FCHSD1: variants seen among roughly 807,000 people sequenced by gnomAD.
FCHSD1 encodes FCH and double SH3 domains 1.
Under a neutral mutation model 101.3 loss-of-function variants are expected in FCHSD1, and 109 were observed. The ratio of observed to expected loss-of-function variants is 1.08; its 90% confidence interval spans 0.92 to 1.26. The LOEUF (loss-of-function observed/expected upper bound fraction) is 1.26. Among genes scored for constraint, FCHSD1 ranks in the 50% most tolerant of loss-of-function variants. FCHSD1 has a pLI of 0.00. For synonymous variants in FCHSD1, 291 were observed against 356.8 expected, an observed-to-expected ratio of 0.82 and a Z score of 2.08; for missense variants, 820 against 895.8, an observed-to-expected ratio of 0.92 and a Z score of 1.08.
rs536273607 is a variant in FCHSD1 at position 141,644,578 on chromosome 5, G to A, written c.1637C>T (p.Pro546Leu). ...CCAAAATTTCCCTTTCTTACCTGTG[G>A]GCTCTGCCCCGCAGGGATTGTCACT... The part of the protein sequence containing the change: ...QDSDNPCGAE[P>L]TAFLAQALYS... Residue 546 changes from proline (P) to leucine (L), a missense_variant, in exon 16 of 20, where the codon CCC becomes CTC. Pro to Leu is a moderately conservative substitution (Grantham distance 98). Transcript: ENST00000435817. 36 of 1,613,844 alleles carry A rather than the reference G, an allele frequency of 2.2e-5. No individual in the cohort carries two copies. The South Asian group carries it at 3.7e-4, about 17-fold the overall frequency.
Position 141,649,580 on chromosome 5 carries a change from C to T in FCHSD1, c.234-44G>A, listed in dbSNP as rs1387592551. 6.3e-7 allele frequency: 1 copy of T among 1,584,740 alleles called. No individual in the cohort carries two copies. Among genetic ancestry groups the T allele is most frequent in the Non-Finnish European group, 8.6e-7 (1 of 1,166,566 alleles). Reference sequence around the variant, plus strand: ...TGTTGAGGAGGAGAGCACTCCACAGCTTCATGAGACCACCCCCACCCCCTG... The same window carrying T: ...TGTTGAGGAGGAGAGCACTCCACAGTTTCATGAGACCACCCCCACCCCCTG... On this transcript the variant is annotated intron_variant, in intron 4 of 19. Coordinates refer to ENST00000435817, the MANE Select transcript of FCHSD1 (RefSeq NM_033449.3). The surrounding 1 kb of genome is among the most constrained non-coding windows in gnomAD (Gnocchi z 4.1).
chr5:141,645,058 C>A lies in FCHSD1; in HGVS notation c.1402G>T (p.Ala468Ser). The A allele has an allele frequency of 6.3e-7, 1 of 1,597,418 alleles. No homozygotes were observed. The highest frequency in any genetic ancestry group is 8.5e-7 in the Non-Finnish European group (1 of 1,169,632). Residue 468 changes from alanine to serine, a missense_variant, in exon 14 of 20, where the codon GCC (alanine) becomes TCC (serine). Physicochemically the swap from Ala to Ser is moderately conservative, Grantham distance 99. Coordinates refer to ENST00000435817, the MANE Select transcript of FCHSD1 (RefSeq NM_033449.3). ...EPAPQALATRALPCPAHVVFR... is the reference protein window; with the variant it reads ...EPAPQALATRSLPCPAHVVFR... ...ACCACGTGTGCAGGGCAGGGGAGGG[C>A]CCTCGTGGCCAGGGCTTGGGGGGCA...
chr5:141,646,458 A>G, intron 11 of FCHSD1, 145 bp downstream of exon 11: 1 of 1,305,188 alleles, frequency 7.7e-7, no homozygotes, highest in Non-Finnish European at 1.0e-6. Context: ...TGTGCTCTTA[A>G]CTATTGTGCC....
Position 141,640,272 on chromosome 5 carries a change from A to T in FCHSD1, c.*1226T>A. The T allele has an allele frequency of 1.2e-6, 2 of 1,613,988 alleles. No homozygotes were observed. Among genetic ancestry groups the T allele is most frequent in the Non-Finnish European group, 1.7e-6 (2 of 1,179,928 alleles). Reference sequence around the variant, plus strand: ...TCAAGAGGCAAATGGGCAGCCAAGCAAACCAGACACTTCTGATCACCAGGT... The same window carrying T: ...TCAAGAGGCAAATGGGCAGCCAAGCTAACCAGACACTTCTGATCACCAGGT... On this transcript the variant is annotated 3_prime_UTR_variant, in exon 20 of 20. Transcript: ENST00000435817.
Position 141,640,673 on chromosome 5 carries a change from T to A in FCHSD1, c.*825A>T, listed in dbSNP as rs1259539336. On this transcript the variant is annotated 3_prime_UTR_variant, in exon 20 of 20. Transcript: ENST00000435817. ...TGTTATTCTTCCTCTTCTCCAAGTC[T>A]CCTTCATTGTGCTGATGGACTACCA... 5 of 1,535,370 alleles carry A rather than the reference T, an allele frequency of 3.3e-6. No homozygotes were observed. In the Admixed American group the frequency reaches 9.8e-5, roughly 30 times the overall value.
Position 141,647,249 on chromosome 5 carries a change from C to A in FCHSD1, c.829-19G>T. The A allele has an allele frequency of 6.3e-7, 1 of 1,591,608 alleles. No individual in the cohort carries two copies. The highest frequency in any genetic ancestry group is 2.3e-5 in the East Asian group (1 of 44,042). ...AGCTTACCTAGGGGTTGGGAAAAGT[C>A]AAAGTCACTCATTCACTGACTCACT... is the stretch of plus-strand genomic sequence containing the variant. On this transcript the variant is annotated intron_variant, in intron 9 of 19. Coordinates refer to ENST00000435817, the MANE Select transcript of FCHSD1 (RefSeq NM_033449.3).
In FCHSD1 at chr5:141,639,729, G is replaced by T; in HGVS notation, c.*1769C>A. The T allele has an allele frequency of 7.0e-7, 1 of 1,419,062 alleles. No homozygotes were observed. The highest frequency in any genetic ancestry group is 1.3e-5 in the South Asian group (1 of 77,316). The allele number at this position is 1,419,062 out of a possible 1,614,324, so 87.9% of individuals were successfully genotyped here. On this transcript the variant is annotated 3_prime_UTR_variant, in exon 20 of 20. Coordinates refer to ENST00000435817, the MANE Select transcript of FCHSD1 (RefSeq NM_033449.3). This position sits in a 1 kb window ranked among gnomAD's most constrained non-coding sequence, Gnocchi z 4.4. The stretch of plus-strand genomic sequence containing the variant: ...GCACCTGATCCCAAAAGTGGGCCTT[G>T]GCTCTTTCCTCCTGGACTGGGAGCT...
chr5:141,647,280 A>T, intron 9 of FCHSD1, 50 bp from the exon 10 acceptor site: 1 of 1,574,956 alleles, frequency 6.3e-7, no homozygotes, highest in South Asian at 1.2e-5. Context: ...TCACTCTCCA[A>T]CCCTGTCCCT....
chr5:141,639,457 T>C lies in FCHSD1; in HGVS notation c.*2041A>G. Reference sequence around the variant, plus strand: ...TTACCCTCACTCCCCTCCTCCCTGCTGTCCAGTGTGGATGCCACCTCCAGC... The same window carrying C: ...TTACCCTCACTCCCCTCCTCCCTGCCGTCCAGTGTGGATGCCACCTCCAGC... On this transcript the variant is annotated 3_prime_UTR_variant, in exon 20 of 20. Coordinates refer to ENST00000435817, the MANE Select transcript of FCHSD1 (RefSeq NM_033449.3). The surrounding 1 kb of genome is among the most constrained non-coding windows in gnomAD (Gnocchi z 4.4). 1.2e-6 allele frequency: 2 copies of C among 1,601,244 alleles called. No individual in the cohort carries two copies. Among genetic ancestry groups the C allele is most frequent in the South Asian group, 2.2e-5 (2 of 90,500 alleles).
chr5:141,640,443 G>A lies in FCHSD1; in HGVS notation c.*1055C>T. ...CTACCACAGGGAGCAGGGAGTATGT[G>A]AGGTGAGTCTGCCTGAGCCCTAAAT... is the stretch of plus-strand genomic sequence containing the variant. On this transcript the variant is annotated 3_prime_UTR_variant, in exon 20 of 20. Transcript: ENST00000435817. The A allele has an allele frequency of 1.9e-6, 3 of 1,614,176 alleles. No homozygotes were observed. Among genetic ancestry groups the A allele is most frequent in the Non-Finnish European group, 2.5e-6 (3 of 1,180,018 alleles).
intron 11 of FCHSD1, 84 bp downstream of exon 11, chr5:141,646,519 C>T: frequency 1.3e-6 from 2 of 1,514,820 alleles, no homozygotes; most frequent in Non-Finnish European, 1.8e-6. Flanking sequence ...TCCATGACAC[C>T]CTCAATGGCT....
At position 141,646,819 on chromosome 5, in the gene FCHSD1, G is replaced by A. The variant is rs118121205; in HGVS notation, c.925-97C>T. On this transcript the variant is annotated intron_variant, in intron 10 of 19. Coordinates refer to ENST00000435817, the MANE Select transcript of FCHSD1 (RefSeq NM_033449.3). ...CTCTATCTTGACCTCCAAGGACAAG[G>A]ACAAAGAGAAAGGGGCACATGCCTA... 5.8e-4 allele frequency: 863 copies of A among 1,493,250 alleles called. 5 individuals are homozygous for A. In the East Asian group the frequency reaches 0.014, roughly 25 times the overall value. 92.5% of individuals were successfully genotyped at this position (1,493,250 alleles called of 1,614,324 possible).
At position 141,640,426 on chromosome 5, in the gene FCHSD1, G is replaced by A. The variant is rs202083613; in HGVS notation, c.*1072C>T. On this transcript the variant is annotated 3_prime_UTR_variant, in exon 20 of 20. Transcript: ENST00000435817. ...CTTTCTCTCAGGTGTCTCTACCACA[G>A]GGAGCAGGGAGTATGTGAGGTGAGT... 113 of 1,614,184 alleles carry A rather than the reference G, an allele frequency of 7.0e-5. No homozygotes were observed. The South Asian group carries it at 1.1e-3, about 16-fold the overall frequency.
Position 141,644,556 on chromosome 5 carries a change from A to G in FCHSD1, c.1642+17T>C. On this transcript the variant is annotated intron_variant, in intron 16 of 19. Coordinates refer to ENST00000435817, the MANE Select transcript of FCHSD1 (RefSeq NM_033449.3). ...TCCATACCCAGGGTCCTCTAACCCA[A>G]AATTTCCCTTTCTTACCTGTGGGCT... 2 of 1,613,014 alleles carry G rather than the reference A, an allele frequency of 1.2e-6. No homozygotes were observed. The highest frequency in any genetic ancestry group is 1.7e-4 in the Middle Eastern group (1 of 6,058).
rs562727099 is a variant in FCHSD1 at position 141,643,226 on chromosome 5, G to A, written c.1864-138C>T. 5 of 588,130 alleles carry A rather than the reference G, an allele frequency of 8.5e-6. No individual in the cohort carries two copies. In the South Asian group the frequency reaches 1.3e-4, roughly 16 times the overall value. 36.4% of individuals were successfully genotyped at this position (588,130 alleles called of 1,614,324 possible). A position where few individuals can be genotyped will look rare whatever the true frequency, so the allele number is the denominator to read the frequency against. Reference sequence around the variant, plus strand: ...CCAAATGCTTGCATTCGGTGGGGGGGTGTAGCTGACAAATATTTCAACAGC... The same window carrying A: ...CCAAATGCTTGCATTCGGTGGGGGGATGTAGCTGACAAATATTTCAACAGC... On this transcript the variant is annotated intron_variant, in intron 17 of 19. Coordinates refer to ENST00000435817, the MANE Select transcript of FCHSD1 (RefSeq NM_033449.3).
At position 141,648,969 on chromosome 5, in the gene FCHSD1, T is replaced by C; in HGVS notation, c.564A>G (p.Lys188=). 6.2e-7 allele frequency: 1 copy of C among 1,613,942 alleles called. No homozygotes were observed. The highest frequency in any genetic ancestry group is 8.5e-7 in the Non-Finnish European group (1 of 1,179,866). The change falls in exon 7 of 20, where the codon AAA becomes AAG. Residue 188 remains lysine, a synonymous_variant. Transcript: ENST00000435817. ...TCATCCCTCGAACCTTGGTGCTCAG[T>C]TTCTGGAGACTGGTCCGAGAGTGGA... ...GIFHSRTSLQ[K]LSTKLSAQSA... is the part of the protein sequence containing the mutation.
Position 141,640,056 on chromosome 5 carries a change from G to A in FCHSD1, c.*1442C>T. The A allele has an allele frequency of 1.2e-6, 2 of 1,613,522 alleles. No homozygotes were observed. The highest frequency in any genetic ancestry group is 1.7e-6 in the Non-Finnish European group (2 of 1,179,720). On this transcript the variant is annotated 3_prime_UTR_variant, in exon 20 of 20. Coordinates refer to ENST00000435817, the MANE Select transcript of FCHSD1 (RefSeq NM_033449.3). ...GGGGTCTGGGGGAGGGCAGCCCAAG[G>A]CAGGGATGCCTGCCATGGAGAGGCT...
Position 141,646,614 on chromosome 5 carries a change from G to T in FCHSD1, c.1033C>A (p.His345Asn). Residue 345 changes from histidine (H) to asparagine (N), a missense_variant, in exon 11 of 20, where the codon CAT becomes AAT. Transcript: ENST00000435817. ...CCCCCCCACCTCACCCGATGCCCAT[G>T]GTTCTGGATCTTGTAGTCACGGGCA... is the stretch of plus-strand genomic sequence containing the variant. ...RAARDYKIQN[H>N]GHRVLQRLEQ... is the part of the protein sequence containing the mutation. 8 of 1,612,810 alleles carry T rather than the reference G, an allele frequency of 5.0e-6. No homozygotes were observed. Among genetic ancestry groups the T allele is most frequent in the Non-Finnish European group, 6.8e-6 (8 of 1,179,520 alleles).
chr5:141,642,533 T>C (rs908458047), intron 18 of FCHSD1: 18 of 540,874 alleles, frequency 3.3e-5, no homozygotes, highest in Non-Finnish European at 5.8e-5. Flanking sequence ...AAAACTGCTA[T>C]AGACATTTAA....
Sources: gnomAD v4.1 joint callset for allele counts on GRCh38, gnomAD v4.1.1 for gene constraint, Gnocchi (gnomAD v3.1) non-coding constraint, MANE v1.5 for transcripts, NCBI Gene and HGNC (gene_info 2026-07-23, HGNC 2026-07-21) for gene names.